The following DMD variants were observed in gnomAD, a reference collection of about 807,000 sequenced individuals.
DMD encodes the protein dystrophin, also known as mutant dystrophin.
In DMD, 63 loss-of-function variants were observed where a neutral mutation model predicts 330.1. The ratio of observed to expected loss-of-function variants is 0.19; its 90% CI spans 0.16 to 0.24. The LOEUF (loss-of-function observed/expected upper bound fraction) is 0.24, where lower values mean the gene tolerates loss of function less well. Among genes scored for constraint, DMD ranks in the 10% least tolerant of loss-of-function variants. The probability of loss-of-function intolerance (pLI) is 1.00; values close to 1 mark genes in which losing one functional copy is unlikely to be tolerated. For synonymous variants in DMD, 1,223 were observed against 959.8 expected, an observed-to-expected ratio of 1.27 and a Z score of -5.07; for missense variants, 3,344 against 2,684.1, an observed-to-expected ratio of 1.25 and a Z score of -5.43.
intron 74 of DMD, among the ~76,000 whole-genome samples, chrX:31,161,444 T>C (rs1302215897): frequency 1.5e-4 from 17 of 111,926 alleles, no homozygotes; most frequent in Admixed American, 9.5e-5. Context: ...CTTGGGCAAA[T>C]AGAATTCAGT....
chrX:31,845,375 G>GTCTCTCTCTCTCTCTCTCTC lies in DMD; in HGVS notation c.7099-8576_7099-8557dup, dbSNP rs535397626. Among the ~76,000 whole-genome samples, 58 of 60,097 alleles carry GTCTCTCTCTCTCTCTCTCTC rather than the reference G, an allele frequency of 9.7e-4. 3 individuals carry two copies. The highest frequency in any genetic ancestry group is 1.6e-3 in the Admixed American group (6 of 3,786). The allele number at this position is 60,097 out of a possible 115,157, so 52.2% of individuals were successfully genotyped here. A position where few individuals can be genotyped will look rare whatever the true frequency, so the allele number is the denominator to read the frequency against. ...CAGGTGTTATAGAGGACAGAATAAAGTCTCTCTCTCTCTCTCTCTCTCTCT... is the reference window on the plus strand; with the variant it reads ...CAGGTGTTATAGAGGACAGAATAAAGTCTCTCTCTCTCTCTCTCTCTCTCTCTCTCTCTCTCTCTCTCTCT... On this transcript the variant is annotated intron_variant, in intron 48 of 78. Coordinates refer to ENST00000357033, the MANE Select transcript of DMD (RefSeq NM_004006.3).
At chrX:32,879,027 A>AAAAAAAAAAAAAAAAAAAAAAAAC in intron 2 of DMD, among the ~76,000 whole-genome samples, 1 of 105,542 alleles carries the variant, frequency 9.5e-6, no homozygotes, top group Non-Finnish European at 2.0e-5. Context: ...ACAAAAAACA[A>AAAAAAAAAAAAAAAAAAAAAAAAC]AAAACAAACA....
At chrX:32,845,450 A>T (rs759056096) in intron 3 of DMD, among the ~76,000 whole-genome samples, 1 of 112,053 alleles carries the variant, frequency 8.9e-6, no homozygotes, top group South Asian at 3.7e-4. Context: ...TCATTTATTA[A>T]GTTGTAGAGT....
intron 62 of DMD, among the ~76,000 whole-genome samples, chrX:31,305,482 A>T (rs1249738287): frequency 9.0e-6 from 1 of 111,291 alleles, no homozygotes; most frequent in Admixed American, 9.6e-5. Flanking sequence ...AAGACCTGTG[A>T]TTGTTTCTAA....
At chrX:31,396,088 G>A (rs190575678) in intron 60 of DMD, among the ~76,000 whole-genome samples, 309 of 110,973 alleles carry the variant, frequency 2.8e-3, no homozygotes, top group African/African-American at 9.6e-3. Flanking sequence ...CCTGGATATA[G>A]GTATATTCTG....
At chrX:32,296,139 C>A (rs979875817) in intron 42 of DMD, among the ~76,000 whole-genome samples, 7 of 112,032 alleles carry the variant, frequency 6.2e-5, no homozygotes, top group African/African-American at 2.3e-4. Context: ...CGCCTGTAAT[C>A]CCAGCACTTT....
rs200571671 is a variant in DMD at position 31,679,531 on chromosome X, C to T, written c.7716G>A (p.Arg2572=). 17 of 1,210,048 alleles carry T rather than the reference C, an allele frequency of 1.4e-5. No individual in the cohort carries two copies. The highest frequency in any genetic ancestry group is 1.8e-5 in the Non-Finnish European group (16 of 895,117). ...CCTTTAACATTTCATTCAACTGTTGCCTCCGGTTCTGAAGGTGTTCTTGTA... is the reference window on the plus strand; with the variant it reads ...CCTTTAACATTTCATTCAACTGTTGTCTCCGGTTCTGAAGGTGTTCTTGTA... ...DEVQEHLQNR[R]QQLNEMLKDS... Residue 2572 remains arginine, a synonymous_variant, in exon 53 of 79, where the codon AGG becomes AGA. Transcript: ENST00000357033.
chrX:31,981,835 T>C (rs568454483), intron 44 of DMD, among the ~76,000 whole-genome samples: 1 of 112,186 alleles, frequency 8.9e-6, no homozygotes, highest in South Asian at 3.7e-4. Context: ...GGACCAATTA[T>C]ATTCTAGGGA....
At chrX:31,235,461 GC>G (rs935107311) in intron 63 of DMD, among the ~76,000 whole-genome samples, 6 of 112,043 alleles carry the variant, frequency 5.4e-5, no homozygotes. Context: ...ATTAGAAATA[GC>G]TTTATTTTTC....
In DMD at chrX:32,667,767, G is replaced by GTTTTTTTTTT. The variant is rs201162726; in HGVS notation, c.961-22625_961-22616dup. 2.6e-4 allele frequency among the ~76,000 whole-genome samples: 21 copies of GTTTTTTTTTT among 81,662 alleles called. 1 individual carries two copies. Among genetic ancestry groups the GTTTTTTTTTT allele is most frequent in the African/African-American group, 8.6e-4 (17 of 19,833 alleles). The allele number at this position is 81,662 out of a possible 115,157, so 70.9% of individuals were successfully genotyped here. A position where few individuals can be genotyped will look rare whatever the true frequency, so the allele number is the denominator to read the frequency against. On this transcript the variant is annotated intron_variant, in intron 9 of 78. Coordinates refer to ENST00000357033, the MANE Select transcript of DMD (RefSeq NM_004006.3). ...AGTTCTCACCATTCTCTGCTTTTGT[G>GTTTTTTTTTT]TTTTTTTTTTTTTTTTTTCCAGTTT...
intron 57 of DMD, among the ~76,000 whole-genome samples, chrX:31,480,332 A>C (rs1434919252): frequency 8.9e-6 from 1 of 111,755 alleles, no homozygotes; most frequent in Non-Finnish European, 1.9e-5. Context: ...AAAATGATTC[A>C]TCATCCACAG....
In DMD at chrX:32,815,974, A is replaced by C. The variant is rs576517895; in HGVS notation, c.530+494T>G. Among the ~76,000 whole-genome samples the C allele has an allele frequency of 1.1e-3, 125 of 111,448 alleles. 1 individual carries two copies. The highest frequency in any genetic ancestry group is 3.7e-3 in the African/African-American group (114 of 30,726). On this transcript the variant is annotated intron_variant, in intron 6 of 78. Transcript: ENST00000357033. ...ACTAGAACAAAGTATACAGGGCTTT[A>C]TGGTGTTTGATATCAAAGTGTGTAT... is the stretch of plus-strand genomic sequence containing the variant.
intron 7 of DMD, among the ~76,000 whole-genome samples, chrX:32,780,272 T>C (rs2074588151): frequency 8.9e-6 from 1 of 112,552 alleles, no homozygotes; most frequent in Admixed American, 9.4e-5. Context: ...CATGGAATTC[T>C]ATACTAGAAG....
chrX:32,545,169 T>C lies in DMD; in HGVS notation c.2158A>G (p.Ile720Val), dbSNP rs761143577. 2.5e-6 allele frequency: 3 copies of C among 1,210,822 alleles called. No homozygotes were observed. The highest frequency in any genetic ancestry group is 3.4e-6 in the Non-Finnish European group (3 of 894,687). The change falls in exon 17 of 79, where the codon ATT becomes GTT. Residue 720 changes from isoleucine to valine, a missense_variant. Coordinates refer to ENST00000357033, the MANE Select transcript of DMD (RefSeq NM_004006.3). The stretch of plus-strand genomic sequence containing the variant: ...TTAAGATGCTCTCACCTTTTCCTAA[T>C]TTCAGAATCCACAGTAATCTGCCTC... ...KKRQITVDSE[I>V]RKRLDVDITE...
chrX:31,821,255 G>A (rs1359333905), intron 49 of DMD, among the ~76,000 whole-genome samples: 1 of 112,795 alleles, frequency 8.9e-6, no homozygotes, highest in Non-Finnish European at 1.9e-5. Context: ...CTTGCTAATT[G>A]CTGCATGGTA....
chrX:31,283,854 A>G (rs1028300040), intron 62 of DMD, among the ~76,000 whole-genome samples: 1 of 112,186 alleles, frequency 8.9e-6, no homozygotes, highest in Non-Finnish European at 1.9e-5. Flanking sequence ...ATACCAATTA[A>G]GCAAACAGTT....
chrX:32,397,544 TA>T (rs1408701794), intron 30 of DMD, among the ~76,000 whole-genome samples: 1 of 111,880 alleles, frequency 8.9e-6, no homozygotes, highest in African/African-American at 3.2e-5. Context: ...CATTCCATTA[TA>T]AAAAAGGCAT....
In DMD at chrX:32,310,147, G is replaced by T. The variant is rs367702968; in HGVS notation, c.6052C>A (p.Leu2018Ile). 4.3e-5 allele frequency: 52 copies of T among 1,207,897 alleles called. No individual in the cohort carries two copies. In the African/African-American group the frequency reaches 9.1e-4, roughly 21 times the overall value. The change falls in exon 42 of 79, where the codon CTC becomes ATC. Residue 2018 changes from leucine (L) to isoleucine (I), a missense_variant. Transcript: ENST00000357033. Reference sequence around the variant, plus strand: ...TTAGCACAGAGGTCAGGAGCATTGAGAAGTTGTTCCACTTCTAATAGGGCT... The same window carrying T: ...TTAGCACAGAGGTCAGGAGCATTGATAAGTTGTTCCACTTCTAATAGGGCT... ...SQALLEVEQL[L>I]NAPDLCAKDF...
At chrX:31,604,532 C>T (rs75927505) in intron 55 of DMD, among the ~76,000 whole-genome samples, 1,151 of 111,702 alleles carry the variant, frequency 0.01, 15 homozygotes, top group East Asian at 0.1. Context: ...CTAGGAGTCA[C>T]CTCAATAGGA....
Sources: gnomAD v4.1 joint callset for allele counts (sites outside exome capture counted in the v4.1 genomes callset) on GRCh38, gnomAD v4.1.1 for gene constraint, MANE v1.5 for transcripts, NCBI Gene and HGNC (gene_info 2026-07-23, HGNC 2026-07-21) for gene names.